Variants in GPR65 observed in about 807,000 individuals in gnomAD.
GPR65 encodes T-cell death-associated gene 8 protein.
GPR65 carries 2 observed loss-of-function variants against 0.7 expected under a neutral mutation model. The ratio of observed to expected loss-of-function variants is 2.83; its 90% CI spans 1.16 to 8.92. The LOEUF (loss-of-function observed/expected upper bound fraction) is 8.92. GPR65 is among the 30% of genes most tolerant of loss of function. The probability of loss-of-function intolerance (pLI) is 0.04; values close to 1 mark genes in which losing one functional copy is unlikely to be tolerated. For synonymous variants in GPR65, 128 were observed against 146.5 expected (o/e 0.87, Z 0.91); for missense variants, 379 against 399.4 (o/e 0.95, Z 0.43).
Position 88,010,815 on chromosome 14 carries a change from A to T in GPR65, c.-33A>T. 2.8e-6 allele frequency: 4 copies of T among 1,443,888 alleles called. No individual in the cohort carries two copies. The highest frequency in any genetic ancestry group is 3.9e-6 in the Non-Finnish European group (4 of 1,032,602). 89.4% of individuals were successfully genotyped at this position (1,443,888 alleles called of 1,614,324 possible). ...AAGACTTCTCTGTTTACTTTCTAAGAACTAATATAATTGCTACCTTAAAAA... is the reference window on the plus strand; with the variant it reads ...AAGACTTCTCTGTTTACTTTCTAAGTACTAATATAATTGCTACCTTAAAAA... On this transcript the variant is annotated 5_prime_UTR_variant, in exon 2 of 2. Transcript: ENST00000267549.
chr14:88,007,784 CTGTGTGTATG>C (rs1425238776), intron 1 of GPR65, among the ~76,000 whole-genome samples: 16 of 114,024 alleles, frequency 1.4e-4, no homozygotes, highest in African/African-American at 2.2e-4. Context: ...ATTATTCTCT[CTGTGTGTATG>C]TGTGTGTGTG....
At chr14:88,010,100 T>C (rs181878632) in intron 1 of GPR65, among the ~76,000 whole-genome samples, 26 of 152,330 alleles carry the variant, frequency 1.7e-4, no homozygotes, top group African/African-American at 6.3e-4. Flanking sequence ...TGAAATGACT[T>C]TTTAAATTGA....
At chr14:88,008,520 T>C (rs1179554992) in intron 1 of GPR65, among the ~76,000 whole-genome samples, 1 of 148,088 alleles carries the variant, frequency 6.8e-6, no homozygotes, top group African/African-American at 2.5e-5. Context: ...TTCAGTGGTG[T>C]TACTATATCC....
At chr14:88,005,637 A>G (rs1216479624) in intron 1 of GPR65, among the ~76,000 whole-genome samples, 1 of 152,184 alleles carries the variant, frequency 6.6e-6, no homozygotes, top group East Asian at 1.9e-4. Context: ...ATATTAGGAA[A>G]GAATATTTCC....
intron 1 of GPR65, among the ~76,000 whole-genome samples, chr14:88,009,244 C>A (rs1211372947): frequency 6.6e-6 from 1 of 152,046 alleles, no homozygotes; most frequent in Non-Finnish European, 1.5e-5. Flanking sequence ...GGCGCTCACT[C>A]ACCTCCCTGA....
Position 88,014,207 on chromosome 14 carries a change from C to T in GPR65, c.*2346C>T, listed in dbSNP as rs751632246. The T allele has an allele frequency of 3.9e-5, 6 of 152,156 alleles. No individual in the cohort carries two copies. Among genetic ancestry groups the T allele is most frequent in the Non-Finnish European group, 8.8e-5 (6 of 68,044 alleles). The allele number at this position is 152,156 out of a possible 1,614,324, so 9.4% of individuals were successfully genotyped here. ...AAAAGCTGGTGAAAATTGTTCCACC[C>T]ATATGTAAAAGAACATAGGTTAAGT... On this transcript the variant is annotated 3_prime_UTR_variant, in exon 2 of 2. Transcript: ENST00000267549.
At chr14:88,010,165 A>G (rs995872480) in intron 1 of GPR65, among the ~76,000 whole-genome samples, 5 of 152,222 alleles carry the variant, frequency 3.3e-5, no homozygotes, top group South Asian at 2.1e-4. Flanking sequence ...CTAATCTAAC[A>G]TGCCTCAGGT....
chr14:88,007,792 A>ATGTG (rs3994051), intron 1 of GPR65, among the ~76,000 whole-genome samples: 48,982 of 135,782 alleles, frequency 0.36, 8,718 homozygotes, highest in East Asian at 0.68. Context: ...CTCTGTGTGT[A>ATGTG]TGTGTGTGTG....
chr14:88,006,166 AGAT>A (rs1399184601), intron 1 of GPR65, among the ~76,000 whole-genome samples: 22 of 152,328 alleles, frequency 1.4e-4, no homozygotes, highest in African/African-American at 5.1e-4. Context: ...AGATGACTAA[AGAT>A]GATTTCTTTT....
chr14:88,006,128 C>A (rs1045943346), intron 1 of GPR65, among the ~76,000 whole-genome samples: 1 of 152,148 alleles, frequency 6.6e-6, no homozygotes, highest in Non-Finnish European at 1.5e-5. Flanking sequence ...ACTCTGAGCA[C>A]CTCCAGCTTT....
chr14:88,012,540 G>C lies in GPR65; in HGVS notation c.*679G>C, dbSNP rs1045512786. The C allele has an allele frequency of 3.9e-5, 6 of 152,096 alleles. No homozygotes were observed. Among genetic ancestry groups the C allele is most frequent in the East Asian group, 1.9e-4 (1 of 5,190 alleles). The allele number at this position is 152,096 out of a possible 1,614,324, so 9.4% of individuals were successfully genotyped here. On this transcript the variant is annotated 3_prime_UTR_variant, in exon 2 of 2. Transcript: ENST00000267549. ...CATGCCAGTTATTAATTTACTTTCTGTCTCTAAGGATTTTCATTACTCTGA... is the reference window on the plus strand; with the variant it reads ...CATGCCAGTTATTAATTTACTTTCTCTCTCTAAGGATTTTCATTACTCTGA...
At chr14:88,010,175 T>C (rs1334905743) in intron 1 of GPR65, among the ~76,000 whole-genome samples, 2 of 152,212 alleles carry the variant, frequency 1.3e-5, no homozygotes. Flanking sequence ...ATGCCTCAGG[T>C]AGTTCTTATT....
Position 88,012,681 on chromosome 14 carries a change from A to G in GPR65, c.*820A>G, listed in dbSNP as rs1285764668. 14 of 152,250 alleles carry G rather than the reference A, an allele frequency of 9.2e-5. No homozygotes were observed. Among genetic ancestry groups the G allele is most frequent in the Middle Eastern group, 3.4e-3 (1 of 294 alleles). 9.4% of individuals were successfully genotyped at this position (152,250 alleles called of 1,614,324 possible). A position where few individuals can be genotyped will look rare whatever the true frequency, so the allele number is the denominator to read the frequency against. ...ATGTATCAGCACTTCATTTCTTTTT[A>G]TGGCCTGATAGTATTCTGTTGCATG... On this transcript the variant is annotated 3_prime_UTR_variant, in exon 2 of 2. Transcript: ENST00000267549.
rs1887738874 is a variant in GPR65 at position 88,014,698 on chromosome 14, T to C, written c.*2837T>C. 1 of 152,078 alleles carries C rather than the reference T, an allele frequency of 6.6e-6. No individual in the cohort carries two copies. The highest frequency in any genetic ancestry group is 2.1e-4 in the South Asian group (1 of 4,828). 9.4% of individuals were successfully genotyped at this position (152,078 alleles called of 1,614,324 possible). ...TTACAATTCGATGTTCAAAAAGCAA[T>C]CCAGGTACATAGCCATAAAGGGATG... On this transcript the variant is annotated 3_prime_UTR_variant, in exon 2 of 2. Transcript: ENST00000267549.
Position 88,014,577 on chromosome 14 carries a change from T to C in GPR65, c.*2716T>C, listed in dbSNP as rs1321105969. On this transcript the variant is annotated 3_prime_UTR_variant, in exon 2 of 2. Transcript: ENST00000267549. ...CATATTTTAGAAATATAATGGCCTG[T>C]AATTTACTTTTCTTTTGCCTATAAT... 6.6e-6 allele frequency: 1 copy of C among 152,208 alleles called. No individual in the cohort carries two copies. Among genetic ancestry groups the C allele is most frequent in the Non-Finnish European group, 1.5e-5 (1 of 68,022 alleles). The allele number at this position is 152,208 out of a possible 1,614,324, so 9.4% of individuals were successfully genotyped here.
In GPR65 at chr14:88,011,686, G is replaced by C. The variant is rs1488137984; in HGVS notation, c.839G>C (p.Ser280Thr). 1.9e-6 allele frequency: 3 copies of C among 1,613,762 alleles called. No individual in the cohort carries two copies. The highest frequency in any genetic ancestry group is 2.5e-6 in the Non-Finnish European group (3 of 1,179,814). Reference sequence around the variant, plus strand: ...TATAGAATCACGGTTGCATTAACAAGTTTAAATTGTGTTGCTGATCCAATT... The same window carrying C: ...TATAGAATCACGGTTGCATTAACAACTTTAAATTGTGTTGCTGATCCAATT... ...TMYRITVALT[S>T]LNCVADPILY... The change falls in exon 2 of 2, where the codon AGT becomes ACT. Residue 280 changes from serine to threonine, a missense_variant. Coordinates refer to ENST00000267549, the MANE Select transcript of GPR65 (RefSeq NM_003608.4).
At chr14:88,007,224 A>C (rs1051816769) in intron 1 of GPR65, among the ~76,000 whole-genome samples, 1 of 152,104 alleles carries the variant, frequency 6.6e-6, no homozygotes, top group African/African-American at 2.4e-5. Context: ...TCTAAGCTTC[A>C]TAAATCTGCA....
intron 1 of GPR65, among the ~76,000 whole-genome samples, chr14:88,010,156 T>C (rs1308945061): frequency 6.6e-6 from 1 of 152,244 alleles, no homozygotes; most frequent in African/African-American, 2.4e-5. Flanking sequence ...TAATTCGCTC[T>C]AATCTAACAT....
At position 88,011,437 on chromosome 14, in the gene GPR65, T is replaced by G. The variant is rs1360859205; in HGVS notation, c.590T>G (p.Val197Gly). The G allele has an allele frequency of 1.2e-6, 2 of 1,614,094 alleles. No individual in the cohort carries two copies. Among genetic ancestry groups the G allele is most frequent in the Non-Finnish European group, 1.7e-6 (2 of 1,179,992 alleles). Residue 197 changes from valine to glycine, a missense_variant, in exon 2 of 2, where the codon GTC becomes GGC. Val to Gly is a moderately radical substitution (Grantham distance 109). Coordinates refer to ENST00000267549, the MANE Select transcript of GPR65 (RefSeq NM_003608.4). Reference protein sequence around the residue: ...RTCTGYAIPLVTILICNRKVY... With the variant: ...RTCTGYAIPLGTILICNRKVY... ...TGTACAGGCTATGCAATACCTTTGG[T>G]CACCATCCTGATCTGCAACCGGAAA... is the stretch of plus-strand genomic sequence containing the variant.
Sources: gnomAD v4.1 joint callset for allele counts (sites outside exome capture counted in the v4.1 genomes callset) on GRCh38, gnomAD v4.1.1 for gene constraint, MANE v1.5 for transcripts, NCBI Gene and HGNC (gene_info 2026-07-23, HGNC 2026-07-21) for gene names.